The following ITPR2 variants were observed in gnomAD, a reference collection of about 807,000 sequenced individuals.
The protein encoded by ITPR2 is inositol 1,4,5-trisphosphate-gated calcium channel ITPR2.
ITPR2 carries 207 observed loss-of-function variants against 317.1 expected under a neutral mutation model. The ratio of observed to expected loss-of-function variants is 0.65; its 90% CI spans 0.58 to 0.73. The LOEUF is 0.73. Among genes scored for constraint, ITPR2 ranks in the 30% least tolerant of loss-of-function variants. ITPR2 has a pLI of 0.00. For synonymous variants in ITPR2, 1,156 were observed against 1,149.1 expected (o/e 1.01, Z -0.12); for missense variants, 2,613 against 3,284.0 (o/e 0.80, Z 4.99).
At chr12:26,465,989 A>G (rs948590105) in intron 45 of ITPR2, among the ~76,000 whole-genome samples, 8 of 152,224 alleles carry the variant, frequency 5.3e-5, no homozygotes, top group Non-Finnish European at 1.0e-4. Context: ...GGCAAGTAGG[A>G]TAAGTCTATT....
intron 54 of ITPR2, among the ~76,000 whole-genome samples, chr12:26,388,953 C>T (rs1455416129): frequency 2.6e-5 from 4 of 152,132 alleles, no homozygotes; most frequent in Admixed American, 1.3e-4. Context: ...AAAGCCTGGA[C>T]GTCATTCTTG....
intron 1 of ITPR2, among the ~76,000 whole-genome samples, chr12:26,801,506 T>A (rs1468383533): frequency 1.3e-5 from 2 of 152,230 alleles, no homozygotes; most frequent in Non-Finnish European, 2.9e-5. Flanking sequence ...CACCTACTGC[T>A]ACCTTCCTTG....
chr12:26,388,264 A>T (rs1939724163), intron 54 of ITPR2, among the ~76,000 whole-genome samples: 1 of 152,222 alleles, frequency 6.6e-6, no homozygotes, highest in Non-Finnish European at 1.5e-5. Flanking sequence ...GTTAGAGAAT[A>T]GATGAAAAGA....
At chr12:26,720,022 T>G (rs1290422682) in intron 5 of ITPR2, among the ~76,000 whole-genome samples, 1 of 152,132 alleles carries the variant, frequency 6.6e-6, no homozygotes, top group Non-Finnish European at 1.5e-5. Flanking sequence ...ATATTTATGT[T>G]CTCTGCTCAT....
intron 45 of ITPR2, among the ~76,000 whole-genome samples, chr12:26,469,887 T>C (rs1038301956): frequency 1.3e-5 from 2 of 152,238 alleles, no homozygotes; most frequent in Admixed American, 6.5e-5. Flanking sequence ...CTGCCAACTT[T>C]TAAAAGTTAG....
intron 55 of ITPR2, among the ~76,000 whole-genome samples, chr12:26,371,237 T>C (rs961826858): frequency 6.6e-6 from 1 of 152,238 alleles, no homozygotes; most frequent in African/African-American, 2.4e-5. Context: ...TCTTTTTCCC[T>C]TTCTCCTAAA....
intron 34 of ITPR2, among the ~76,000 whole-genome samples, chr12:26,567,463 T>C (rs952737384): frequency 2.6e-4 from 40 of 152,214 alleles, no homozygotes; most frequent in Non-Finnish European, 1.3e-4. Context: ...TCTAGTCTCC[T>C]GTCTTCACAT....
At chr12:26,813,510 G>T (rs988638926) in intron 1 of ITPR2, among the ~76,000 whole-genome samples, 1 of 152,182 alleles carries the variant, frequency 6.6e-6, no homozygotes, top group Non-Finnish European at 1.5e-5. Flanking sequence ...GCTTATTTGG[G>T]AAGTTTGTTT....
chr12:26,505,728 C>A (rs755528065), intron 37 of ITPR2, among the ~76,000 whole-genome samples: 23 of 152,166 alleles, frequency 1.5e-4, no homozygotes, highest in Non-Finnish European at 1.9e-4. Flanking sequence ...TTGATTCCAA[C>A]ACCTAGCCCC....
intron 21 of ITPR2, among the ~76,000 whole-genome samples, chr12:26,645,985 T>A (rs2136874683): frequency 6.7e-6 from 1 of 148,370 alleles, no homozygotes; most frequent in East Asian, 1.9e-4. Context: ...TTTTTTTTTT[T>A]TTTTTGGTAA....
intron 41 of ITPR2, among the ~76,000 whole-genome samples, chr12:26,485,031 T>C (rs1591821317): frequency 6.9e-6 from 1 of 145,204 alleles, no homozygotes; most frequent in African/African-American, 2.9e-5. Flanking sequence ...CCATAGAATA[T>C]GATTTTTAAA....
intron 54 of ITPR2, among the ~76,000 whole-genome samples, chr12:26,389,268 T>A (rs1177125679): frequency 1.3e-5 from 2 of 152,180 alleles, no homozygotes; most frequent in Non-Finnish European, 2.9e-5. Flanking sequence ...AAGATAAAGG[T>A]CAAAGTCCTT....
intron 37 of ITPR2, among the ~76,000 whole-genome samples, chr12:26,531,094 T>C (rs926187797): frequency 6.6e-6 from 1 of 152,162 alleles, no homozygotes; most frequent in Non-Finnish European, 1.5e-5. Flanking sequence ...AAGAATAAGA[T>C]AAAAGATAGA....
intron 2 of ITPR2, among the ~76,000 whole-genome samples, chr12:26,761,819 A>T (rs904710416): frequency 3.9e-5 from 6 of 152,224 alleles, no homozygotes; most frequent in African/African-American, 1.4e-4. Context: ...TCAGTAAACT[A>T]CAAGAGATCT....
intron 1 of ITPR2, among the ~76,000 whole-genome samples, chr12:26,796,010 G>A (rs1438679827): frequency 2.2e-5 from 3 of 136,702 alleles, no homozygotes; most frequent in Admixed American, 2.2e-4. Context: ...GGGGGGGGGG[G>A]CAACACACAA....
At chr12:26,382,674 C>CA (rs1483044314) in intron 55 of ITPR2, among the ~76,000 whole-genome samples, 3 of 149,212 alleles carry the variant, frequency 2.0e-5, no homozygotes, top group East Asian at 2.0e-4. Context: ...CACACACACA[C>CA]ACAAAAAAAA....
intron 21 of ITPR2, among the ~76,000 whole-genome samples, chr12:26,636,741 T>G (rs1306050562): frequency 6.6e-6 from 1 of 152,196 alleles, no homozygotes; most frequent in Non-Finnish European, 1.5e-5. Context: ...TATCAGGGGC[T>G]TATCATATTG....
chr12:26,724,920 T>C (rs1592072636), intron 3 of ITPR2, among the ~76,000 whole-genome samples, 178 bp from the exon 4 acceptor site: 1 of 152,174 alleles, frequency 6.6e-6, no homozygotes, highest in East Asian at 1.9e-4. Flanking sequence ...CATCATATCA[T>C]ATTGTCTTTC....
intron 43 of ITPR2, among the ~76,000 whole-genome samples, chr12:26,478,038 A>G (rs942787680): frequency 2.3e-4 from 35 of 152,252 alleles, no homozygotes; most frequent in Admixed American, 8.5e-4. Flanking sequence ...AACATATCAT[A>G]GAATGAAAAT....
Sources: gnomAD v4.1 joint callset for allele counts (sites outside exome capture counted in the v4.1 genomes callset) on GRCh38, gnomAD v4.1.1 for gene constraint, MANE v1.5 for transcripts, NCBI Gene and HGNC (gene_info 2026-07-23, HGNC 2026-07-21) for gene names.